The following PDE11A variants were observed in gnomAD, a reference collection of about 807,000 sequenced individuals.
PDE11A encodes dual 3',5'-cyclic-AMP and -GMP phosphodiesterase 11A.
In PDE11A, 100 loss-of-function variants were observed where a neutral mutation model predicts 100.5. The ratio of observed to expected loss-of-function variants is 1.00; its 90% confidence interval spans 0.85 to 1.18. The LOEUF is 1.18. Ranked by LOEUF, PDE11A falls within the 50% of genes most tolerant of loss-of-function variation. The probability of loss-of-function intolerance (pLI) is 0.00; values close to 1 mark genes in which losing one functional copy is unlikely to be tolerated. For synonymous variants in PDE11A, 381 were observed against 420.8 expected, an observed-to-expected ratio of 0.91 and a Z score of 1.16; for missense variants, 1,141 against 1,152.6, an observed-to-expected ratio of 0.99 and a Z score of 0.15.
intron 9 of PDE11A, among the ~76,000 whole-genome samples, chr2:177,813,925 A>G (rs1046714311): frequency 1.3e-5 from 2 of 148,866 alleles, no homozygotes; most frequent in Admixed American, 1.4e-4. Flanking sequence ...GTAGGACAAT[A>G]ATGGAAAAGA....
chr2:178,059,730 C>T (rs2086943721), intron 1 of PDE11A, among the ~76,000 whole-genome samples: 1 of 152,182 alleles, frequency 6.6e-6, no homozygotes, highest in Non-Finnish European at 1.5e-5. Context: ...TCTCCCTGTG[C>T]CATTCTGATC....
intron 2 of PDE11A, among the ~76,000 whole-genome samples, chr2:178,005,937 TAG>T (rs2086204822): frequency 6.6e-6 from 1 of 152,124 alleles, no homozygotes. Flanking sequence ...TGGTAACTCT[TAG>T]AAACATAAAA....
chr2:177,922,359 C>T (rs1171608906), intron 2 of PDE11A, among the ~76,000 whole-genome samples: 1 of 152,108 alleles, frequency 6.6e-6, no homozygotes, highest in Admixed American at 6.6e-5. Context: ...ATGGGTGCAG[C>T]ACACCAACAT....
chr2:177,928,574 T>A (rs897316413), intron 2 of PDE11A, among the ~76,000 whole-genome samples: 2 of 152,214 alleles, frequency 1.3e-5, no homozygotes, highest in Non-Finnish European at 2.9e-5. Flanking sequence ...AGTTCCTATA[T>A]AAGTTCTGAT....
chr2:177,738,512 A>G (rs1440915103), intron 10 of PDE11A, among the ~76,000 whole-genome samples: 1 of 152,236 alleles, frequency 6.6e-6, no homozygotes, highest in Non-Finnish European at 1.5e-5. Flanking sequence ...CCAGTCCAGC[A>G]TGATCTTTCT....
At chr2:178,037,378 C>G (rs1201575320) in intron 1 of PDE11A, among the ~76,000 whole-genome samples, 1 of 152,122 alleles carries the variant, frequency 6.6e-6, no homozygotes. Context: ...ACAATAGATG[C>G]TGGAGAGGCG....
At position 177,701,203 on chromosome 2, in the gene PDE11A, G is replaced by A; in HGVS notation, c.2162C>T (p.Ser721Phe). The A allele has an allele frequency of 6.4e-7, 1 of 1,561,258 alleles. No individual in the cohort carries two copies. Among genetic ancestry groups the A allele is most frequent in the Non-Finnish European group, 8.8e-7 (1 of 1,131,844 alleles). The change falls in exon 14 of 20, where the codon TCT (serine) becomes TTT (phenylalanine). Residue 721 changes from serine to phenylalanine, a missense_variant. Ser to Phe is a radical substitution (Grantham distance 155). Transcript: ENST00000286063. ...GGTTCCATAGAGTTGGGCCAGGGCA[G>A]AGCCACTCCTGAAAGAGGACAGAGG... ...TNNAFQAKSG[S>F]ALAQLYGTSA...
intron 19 of PDE11A, among the ~76,000 whole-genome samples, chr2:177,631,854 T>G (rs1301238796): frequency 6.6e-6 from 1 of 151,848 alleles, no homozygotes; most frequent in Non-Finnish European, 1.5e-5. Flanking sequence ...CTCCTATGTG[T>G]TAAACACATT....
chr2:177,879,822 G>A (rs2084300013), intron 4 of PDE11A, among the ~76,000 whole-genome samples: 1 of 152,134 alleles, frequency 6.6e-6, no homozygotes, highest in Admixed American at 6.6e-5. Flanking sequence ...CAGGATGTTT[G>A]AACTCTTGTA....
intron 19 of PDE11A, among the ~76,000 whole-genome samples, chr2:177,648,545 C>A (rs2080258060): frequency 6.6e-6 from 1 of 151,942 alleles, no homozygotes; most frequent in African/African-American, 2.4e-5. Flanking sequence ...AAAGACAAAC[C>A]AGATTTCCTT....
chr2:177,836,773 G>A (rs112033781), intron 6 of PDE11A, among the ~76,000 whole-genome samples: 14,707 of 152,042 alleles, frequency 0.097, 740 homozygotes, highest in Middle Eastern at 0.15. Context: ...AACTCCGGAC[G>A]GGAGGAACAA....
At chr2:177,659,936 C>A (rs1373888814) in intron 19 of PDE11A, among the ~76,000 whole-genome samples, 1 of 152,208 alleles carries the variant, frequency 6.6e-6, no homozygotes, top group Non-Finnish European at 1.5e-5. Flanking sequence ...TGAGTCTTCT[C>A]TTGGGGAATG....
intron 19 of PDE11A, among the ~76,000 whole-genome samples, chr2:177,656,431 T>C (rs959779129): frequency 2.0e-5 from 3 of 152,228 alleles, no homozygotes; most frequent in African/African-American, 7.2e-5. Context: ...GATGTTTGCA[T>C]GACGAAATTG....
chr2:177,654,310 AG>A, intron 19 of PDE11A, among the ~76,000 whole-genome samples: 1 of 152,312 alleles, frequency 6.6e-6, no homozygotes, highest in South Asian at 2.1e-4. Context: ...ACTTTAGCTC[AG>A]GGGTTGGAGA....
At chr2:177,884,324 G>T (rs1214700840) in intron 4 of PDE11A, among the ~76,000 whole-genome samples, 2 of 152,208 alleles carry the variant, frequency 1.3e-5, no homozygotes, top group Non-Finnish European at 2.9e-5. Context: ...GCTCATGAAT[G>T]ATGTAGGTAA....
intron 3 of PDE11A, among the ~76,000 whole-genome samples, 195 bp from the exon 4 acceptor site, chr2:177,898,393 A>G (rs2084645732): frequency 1.3e-5 from 2 of 152,210 alleles, no homozygotes; most frequent in Admixed American, 1.3e-4. Context: ...GCAAAATACA[A>G]CTTGAGAATA....
At chr2:177,968,778 G>C (rs1195579797) in intron 2 of PDE11A, among the ~76,000 whole-genome samples, 3 of 152,204 alleles carry the variant, frequency 2.0e-5, no homozygotes, top group Non-Finnish European at 4.4e-5. Context: ...ACAGATGCTG[G>C]CGAGGATATG....
intron 3 of PDE11A, among the ~76,000 whole-genome samples, chr2:177,903,240 C>T (rs1439891368): frequency 6.6e-6 from 1 of 152,128 alleles, no homozygotes; most frequent in Admixed American, 6.5e-5. Flanking sequence ...TGTGGCTTTG[C>T]TCCTTCTTTT....
chr2:177,702,559 C>T (rs888272222), intron 13 of PDE11A: 1 of 152,138 alleles, frequency 6.6e-6, no homozygotes, highest in Non-Finnish European at 1.5e-5. Flanking sequence ...TACAATCTGT[C>T]CTGCTAGTGA....
Sources: gnomAD v4.1 joint callset for allele counts (sites outside exome capture counted in the v4.1 genomes callset) on GRCh38, gnomAD v4.1.1 for gene constraint, MANE v1.5 for transcripts, NCBI Gene and HGNC (gene_info 2026-07-23, HGNC 2026-07-21) for gene names.